The following MFHAS1 variants were observed in gnomAD, a reference collection of about 807,000 sequenced individuals.
MFHAS1 encodes the protein malignant fibrous histiocytoma-amplified sequence 1.
Under a neutral mutation model 70.4 loss-of-function variants are expected in MFHAS1, and 50 were observed. The observed-to-expected ratio is 0.71, with a 90% CI of 0.57 to 0.90. The LOEUF (loss-of-function observed/expected upper bound fraction) is 0.90, where lower values mean the gene tolerates loss of function less well. MFHAS1 is among the 40% of genes least tolerant of loss of function. The pLI, the probability that MFHAS1 is intolerant of heterozygous loss-of-function variation, is 0.00. For missense variants in MFHAS1, 1,795 were observed against 1,347.6 expected (o/e 1.33, Z -5.20); for synonymous variants, 952 against 620.0 (o/e 1.54, Z -7.96).
In MFHAS1 at chr8:8,891,736, C is replaced by T; in HGVS notation, c.1323G>A (p.Gly441=). The T allele has an allele frequency of 6.2e-7, 1 of 1,613,406 alleles. No homozygotes were observed. Among genetic ancestry groups the T allele is most frequent in the Non-Finnish European group, 8.5e-7 (1 of 1,180,022 alleles). The change falls in exon 1 of 3, where the codon GGG becomes GGA. Residue 441 remains glycine (G), a synonymous_variant. Coordinates refer to ENST00000276282, the MANE Select transcript of MFHAS1 (RefSeq NM_004225.3). This position sits in a 1 kb window ranked among gnomAD's most constrained non-coding sequence, Gnocchi z 5.4. ...EERVEGCPGG[G]DKEKCYPPSP... is the part of the protein sequence containing the mutation. ...ACGGTGGGTAGCACTTCTCCTTGTC[C>T]CCTCCTCCTGGGCATCCCTCCACTC... is the stretch of plus-strand genomic sequence containing the variant.
chr8:8,881,968 T>G (rs1389735533), intron 1 of MFHAS1, among the ~76,000 whole-genome samples: 1 of 152,156 alleles, frequency 6.6e-6, no homozygotes, highest in East Asian at 1.9e-4. Flanking sequence ...AAGTGCCCCT[T>G]GCCCACTCTT....
At chr8:8,831,809 T>G (rs1397607317) in intron 1 of MFHAS1, among the ~76,000 whole-genome samples, 1 of 152,072 alleles carries the variant, frequency 6.6e-6, no homozygotes, top group Non-Finnish European at 1.5e-5. Flanking sequence ...GGTTTCACCA[T>G]GTTAGCCATG....
chr8:8,812,013 G>A (rs1490182648), intron 1 of MFHAS1, among the ~76,000 whole-genome samples: 1 of 152,188 alleles, frequency 6.6e-6, no homozygotes, highest in Non-Finnish European at 1.5e-5. Context: ...AAGCACTCCA[G>A]GAAGTGGTCA....
At chr8:8,819,329 G>GGT (rs1417227962) in intron 1 of MFHAS1, among the ~76,000 whole-genome samples, 1 of 152,084 alleles carries the variant, frequency 6.6e-6, no homozygotes, top group Non-Finnish European at 1.5e-5. Flanking sequence ...GAATTGGCCG[G>GGT]GTGCGGTGGC....
At chr8:8,791,249 T>A (rs988613572) in intron 2 of MFHAS1, among the ~76,000 whole-genome samples, 2 of 151,812 alleles carry the variant, frequency 1.3e-5, no homozygotes, top group African/African-American at 4.8e-5. Flanking sequence ...AGATACGGTA[T>A]CGCTGCAGGA....
At chr8:8,849,174 G>A (rs866257888) in intron 1 of MFHAS1, among the ~76,000 whole-genome samples, 6 of 134,150 alleles carry the variant, frequency 4.5e-5, no homozygotes, top group South Asian at 2.5e-4. Context: ...TCTGCCTCCC[G>A]TGTTCAAGCG....
At chr8:8,833,082 G>C (rs1807467025) in intron 1 of MFHAS1, among the ~76,000 whole-genome samples, 1 of 152,132 alleles carries the variant, frequency 6.6e-6, no homozygotes. Context: ...GCAGGAGGAA[G>C]AAAGAGAAGG....
At chr8:8,820,112 T>C (rs1471005294) in intron 1 of MFHAS1, among the ~76,000 whole-genome samples, 1 of 152,226 alleles carries the variant, frequency 6.6e-6, no homozygotes, top group African/African-American at 2.4e-5. Context: ...AGTCTTTCTC[T>C]AAATTTATTT....
At chr8:8,811,118 A>G (rs1806531412) in intron 1 of MFHAS1, among the ~76,000 whole-genome samples, 1 of 152,044 alleles carries the variant, frequency 6.6e-6, no homozygotes, top group Non-Finnish European at 1.5e-5. Flanking sequence ...TCCTCTCTCA[A>G]CACCAGCTTT....
chr8:8,860,507 C>T (rs1808621719), intron 1 of MFHAS1, among the ~76,000 whole-genome samples: 1 of 152,198 alleles, frequency 6.6e-6, no homozygotes, highest in Admixed American at 6.5e-5. Context: ...GGTGACCAAC[C>T]TACATACACT....
chr8:8,797,970 T>C (rs1181461960), intron 1 of MFHAS1, among the ~76,000 whole-genome samples: 2 of 152,152 alleles, frequency 1.3e-5, no homozygotes, highest in Non-Finnish European at 2.9e-5. Context: ...ACTAAAAGTG[T>C]TAAAAACACA....
At chr8:8,814,153 G>T (rs1460094721) in intron 1 of MFHAS1, among the ~76,000 whole-genome samples, 1 of 152,082 alleles carries the variant, frequency 6.6e-6, no homozygotes, top group Non-Finnish European at 1.5e-5. Context: ...GGCCAGGCTG[G>T]CCTCGAACTC....
At chr8:8,848,192 C>T (rs891697156) in intron 1 of MFHAS1, among the ~76,000 whole-genome samples, 1 of 152,186 alleles carries the variant, frequency 6.6e-6, no homozygotes, top group African/African-American at 2.4e-5. Flanking sequence ...TTCCACCTGA[C>T]ACCACAGGGT....
intron 1 of MFHAS1, among the ~76,000 whole-genome samples, chr8:8,806,787 C>T (rs1055501050): frequency 6.6e-6 from 1 of 152,008 alleles, no homozygotes. Flanking sequence ...ATGTTGAAAC[C>T]CCATCTCTAC....
rs768888129 is a variant in MFHAS1 at position 8,890,564 on chromosome 8, C to T, written c.2495G>A (p.Cys832Tyr). The change falls in exon 1 of 3, where the codon TGC becomes TAC. Residue 832 changes from cysteine to tyrosine, a missense_variant. Coordinates refer to ENST00000276282, the MANE Select transcript of MFHAS1 (RefSeq NM_004225.3). ...AGGCTTGCCCTTGGGTTTATTGAGG[C>T]AGTAACAGAGTCCCATCTTCTCCAG... ...ELLEKMGLCYCLNKPKGKPLN... is the reference protein window; with the variant it reads ...ELLEKMGLCYYLNKPKGKPLN... The T allele has an allele frequency of 1.9e-5, 30 of 1,613,498 alleles. No homozygotes were observed. The South Asian group carries it at 1.9e-4, about 10-fold the overall frequency.
intron 1 of MFHAS1, among the ~76,000 whole-genome samples, chr8:8,879,202 A>C (rs908312579): frequency 6.6e-6 from 1 of 152,138 alleles, no homozygotes; most frequent in Non-Finnish European, 1.5e-5. Context: ...TACAAAAAAA[A>C]CTAGCTGGGT....
chr8:8,888,588 C>G (rs562856567), intron 1 of MFHAS1, among the ~76,000 whole-genome samples: 21 of 152,194 alleles, frequency 1.4e-4, no homozygotes, highest in African/African-American at 5.1e-4. Context: ...TGGACACGTT[C>G]CCAACTAAAA....
At chr8:8,808,382 T>C (rs1286119783) in intron 1 of MFHAS1, among the ~76,000 whole-genome samples, 2 of 152,242 alleles carry the variant, frequency 1.3e-5, no homozygotes, top group African/African-American at 4.8e-5. Flanking sequence ...ACTTAGGCAC[T>C]TTCTCGGTTA....
chr8:8,788,678 C>G (rs1020361702), intron 2 of MFHAS1, among the ~76,000 whole-genome samples: 1 of 152,176 alleles, frequency 6.6e-6, no homozygotes, highest in African/African-American at 2.4e-5. Flanking sequence ...GACTCTGTCT[C>G]AAACAAAGAA....
Sources: allele counts gnomAD v4.1 joint callset (sites outside exome capture counted in the v4.1 genomes callset), GRCh38; gene constraint gnomAD v4.1.1; non-coding constraint Gnocchi (gnomAD v3.1); transcripts MANE v1.5; gene names NCBI Gene and HGNC (gene_info 2026-07-23, HGNC 2026-07-21).